The following IL6R variants were observed in gnomAD, a reference collection of about 807,000 sequenced individuals.
The protein encoded by IL6R is interleukin 6 receptor.
In IL6R, 38 loss-of-function variants were observed where a neutral mutation model predicts 48.3. The observed-to-expected ratio is 0.79, with a 90% CI of 0.61 to 1.03. The LOEUF is 1.03. Among genes scored for constraint, IL6R ranks in the 50% least tolerant of loss-of-function variants. The pLI is 0.00. For synonymous variants in IL6R, 264 were observed against 256.2 expected (o/e 1.03, Z -0.29); for missense variants, 534 against 618.3 (o/e 0.86, Z 1.45).
intron 1 of IL6R, chr1:154,418,312 C>A (rs1001891263): frequency 2.0e-6 from 1 of 510,256 alleles, no homozygotes; most frequent in Non-Finnish European, 2.5e-6. Context: ...CACACGCGCA[C>A]GTGGGTCTCT....
intron 1 of IL6R, among the ~76,000 whole-genome samples, chr1:154,418,658 C>T (rs893024524): frequency 1.3e-5 from 2 of 152,068 alleles, no homozygotes; most frequent in African/African-American, 4.8e-5. Flanking sequence ...GGACAGTGGC[C>T]GAGGGTGCCC....
chr1:154,434,834 CGG>C, intron 4 of IL6R, 134 bp downstream of exon 4: 1 of 1,189,706 alleles, frequency 8.4e-7, no homozygotes, highest in South Asian at 1.5e-5. Flanking sequence ...CGTTGCTTGC[CGG>C]GAGGTGTGGC....
chr1:154,415,351 A>C (rs896646884), intron 1 of IL6R, among the ~76,000 whole-genome samples: 1 of 152,186 alleles, frequency 6.6e-6, no homozygotes, highest in African/African-American at 2.4e-5. Flanking sequence ...TTTTCTTTCC[A>C]GTTGTCACCT....
At chr1:154,445,015 C>T (rs758516133) in intron 6 of IL6R, 5 of 453,304 alleles carry the variant, frequency 1.1e-5, no homozygotes, top group South Asian at 6.2e-5. Flanking sequence ...GAGATTTGTA[C>T]ACACAGCCTT....
intron 6 of IL6R, chr1:154,437,524 C>T: frequency 2.3e-6 from 1 of 442,542 alleles, no homozygotes; most frequent in Non-Finnish European, 4.6e-6. Context: ...AGCAATCCTC[C>T]CGCCTCAGCC....
chr1:154,409,671 A>C (rs1157305800), intron 1 of IL6R, among the ~76,000 whole-genome samples: 1 of 152,030 alleles, frequency 6.6e-6, no homozygotes, highest in Non-Finnish European at 1.5e-5. Context: ...TGGAGTGAAC[A>C]CCTCCTACTC....
At chr1:154,432,223 G>A (rs1449107967) in intron 3 of IL6R, among the ~76,000 whole-genome samples, 1 of 152,184 alleles carries the variant, frequency 6.6e-6, no homozygotes, top group Non-Finnish European at 1.5e-5. Context: ...TCACAGCCCA[G>A]CAAAGGATAC....
intron 1 of IL6R, among the ~76,000 whole-genome samples, chr1:154,420,008 C>T (rs577738657): frequency 5.9e-5 from 9 of 152,010 alleles, no homozygotes; most frequent in African/African-American, 1.7e-4. Context: ...CCTAGGCCAC[C>T]GGGGCAGGGA....
chr1:154,423,158 C>G (rs1356588381), intron 1 of IL6R, among the ~76,000 whole-genome samples: 1 of 151,154 alleles, frequency 6.6e-6, no homozygotes, highest in Non-Finnish European at 1.5e-5. Flanking sequence ...CCACCCTCAT[C>G]CCCCGACATC....
intron 1 of IL6R, among the ~76,000 whole-genome samples, chr1:154,420,078 G>A (rs1688567588): frequency 6.6e-6 from 1 of 152,084 alleles, no homozygotes; most frequent in Non-Finnish European, 1.5e-5. Flanking sequence ...TTGAGGAATG[G>A]GAGGCAAGGG....
intron 6 of IL6R, among the ~76,000 whole-genome samples, chr1:154,440,600 A>C (rs897176230): frequency 6.6e-6 from 1 of 150,722 alleles, no homozygotes. Flanking sequence ...CTCCTTATGG[A>C]TGTGAAGTGT....
chr1:154,415,048 G>A, intron 1 of IL6R: 4 of 1,508,754 alleles, frequency 2.7e-6, no homozygotes, highest in Non-Finnish European at 3.6e-6. Flanking sequence ...AGCTCCAGAA[G>A]AACTAGCTTG....
At chr1:154,432,427 G>C (rs1048708094) in intron 3 of IL6R, among the ~76,000 whole-genome samples, 1 of 149,596 alleles carries the variant, frequency 6.7e-6, no homozygotes, top group Non-Finnish European at 1.5e-5. Flanking sequence ...GTGGGATCTC[G>C]GCTCACTGCA....
At chr1:154,435,379 C>T (rs749560133) in intron 5 of IL6R, among the ~76,000 whole-genome samples, 1 of 152,048 alleles carries the variant, frequency 6.6e-6, no homozygotes, top group Non-Finnish European at 1.5e-5. Context: ...GGTGTGGTGG[C>T]GCACGCCTGT....
intron 1 of IL6R, among the ~76,000 whole-genome samples, chr1:154,412,881 A>T (rs939719575): frequency 6.6e-5 from 10 of 152,050 alleles, no homozygotes; most frequent in African/African-American, 2.4e-4. Flanking sequence ...GTATATCTGA[A>T]TCCTGGGCTT....
chr1:154,432,853 A>G (rs1050688421), intron 3 of IL6R, among the ~76,000 whole-genome samples: 7 of 152,194 alleles, frequency 4.6e-5, no homozygotes, highest in African/African-American at 1.7e-4. Context: ...GGCCCCACCC[A>G]GACCTCAGGC....
At chr1:154,443,861 A>C (rs1690062005) in intron 6 of IL6R, among the ~76,000 whole-genome samples, 1 of 152,124 alleles carries the variant, frequency 6.6e-6, no homozygotes, top group African/African-American at 2.4e-5. Context: ...CTCCTGTGCC[A>C]GGTGCTCCGC....
intron 8 of IL6R, among the ~76,000 whole-genome samples, chr1:154,450,854 G>A (rs1690544177): frequency 6.6e-6 from 1 of 152,220 alleles, no homozygotes; most frequent in Admixed American, 6.5e-5. Flanking sequence ...GTGGATTCCT[G>A]CCTGCACTGA....
intron 1 of IL6R, among the ~76,000 whole-genome samples, chr1:154,411,059 C>A (rs1051133896): frequency 6.6e-6 from 1 of 152,098 alleles, no homozygotes; most frequent in Non-Finnish European, 1.5e-5. Flanking sequence ...AAACAAATGT[C>A]TTTTGTTTTC....
Sources: allele counts gnomAD v4.1 joint callset (sites outside exome capture counted in the v4.1 genomes callset), GRCh38; gene constraint gnomAD v4.1.1; transcripts MANE v1.5; gene names NCBI Gene and HGNC (gene_info 2026-07-23, HGNC 2026-07-21).